RGS6: variants seen among roughly 807,000 people sequenced by gnomAD.
The protein encoded by RGS6 is regulator of G-protein signaling 6.
In RGS6, 30 loss-of-function variants were observed where a neutral mutation model predicts 78.5. The observed-to-expected ratio is 0.38, with a 90% CI of 0.29 to 0.52. The LOEUF (loss-of-function observed/expected upper bound fraction) is 0.52. Ranked by LOEUF, RGS6 falls within the 20% of genes least tolerant of loss-of-function variation. The pLI, the probability that RGS6 is intolerant of heterozygous loss-of-function variation, is 0.85. For synonymous variants in RGS6, 206 were observed against 206.0 expected, an observed-to-expected ratio of 1.00 and a Z score of 0.00; for missense variants, 495 against 609.7, an observed-to-expected ratio of 0.81 and a Z score of 1.98.
intron 1 of RGS6, among the ~76,000 whole-genome samples, chr14:71,960,096 A>G (rs1404200035): frequency 1.3e-5 from 2 of 152,198 alleles, no homozygotes; most frequent in Non-Finnish European, 2.9e-5. Flanking sequence ...TTATAAAGTA[A>G]ACAGCAGGCA....
chr14:72,359,164 C>G (rs907005804), intron 3 of RGS6, among the ~76,000 whole-genome samples: 1 of 152,158 alleles, frequency 6.6e-6, no homozygotes, highest in African/African-American at 2.4e-5. Context: ...TCAATTAAAC[C>G]TCTTTTCTTT....
chr14:72,120,602 G>T (rs140908880), intron 2 of RGS6, among the ~76,000 whole-genome samples: 2 of 152,180 alleles, frequency 1.3e-5, no homozygotes, highest in South Asian at 4.1e-4. Flanking sequence ...GATAAACTGC[G>T]TTGTGTTCAT....
intron 3 of RGS6, among the ~76,000 whole-genome samples, chr14:72,364,058 G>A (rs188164442): frequency 6.7e-6 from 1 of 149,554 alleles, no homozygotes; most frequent in Non-Finnish European, 1.5e-5. Context: ...TTCTCAATGG[G>A]CTCAGAAACT....
chr14:72,302,235 A>C (rs542259515), intron 2 of RGS6, among the ~76,000 whole-genome samples: 1 of 152,368 alleles, frequency 6.6e-6, no homozygotes, highest in African/African-American at 2.4e-5. Flanking sequence ...CACTATCACA[A>C]GAGTGGACAC....
At chr14:72,410,013 G>T (rs554154111) in intron 3 of RGS6, among the ~76,000 whole-genome samples, 3 of 152,088 alleles carry the variant, frequency 2.0e-5, no homozygotes, top group Non-Finnish European at 4.4e-5. Flanking sequence ...GAATAGTGCC[G>T]CAATAAACAT....
At chr14:72,561,530 C>T (rs74994625) in intron 17 of RGS6, among the ~76,000 whole-genome samples, 1,600 of 152,300 alleles carry the variant, frequency 0.011, 35 homozygotes, top group African/African-American at 0.037. Flanking sequence ...GACGGAGCCT[C>T]GCTCGTGCCC....
chr14:72,433,899 T>C (rs1330185829), intron 3 of RGS6, among the ~76,000 whole-genome samples: 1 of 152,264 alleles, frequency 6.6e-6, no homozygotes, highest in African/African-American at 2.4e-5. Context: ...TGTAAACTGC[T>C]GAGAACAGTG....
intron 3 of RGS6, among the ~76,000 whole-genome samples, chr14:72,437,330 G>A (rs1340713838): frequency 8.6e-6 from 1 of 116,010 alleles, no homozygotes; most frequent in East Asian, 2.5e-4. Flanking sequence ...TACAGAGTGA[G>A]ACTCCATCTC....
intron 2 of RGS6, among the ~76,000 whole-genome samples, chr14:72,250,711 G>A (rs2055530681): frequency 6.6e-6 from 1 of 152,144 alleles, no homozygotes; most frequent in Non-Finnish European, 1.5e-5. Context: ...ATTTTGACAA[G>A]GTGATTATGA....
chr14:72,258,077 C>A (rs2057424245), intron 2 of RGS6, among the ~76,000 whole-genome samples: 1 of 152,146 alleles, frequency 6.6e-6, no homozygotes, highest in South Asian at 2.1e-4. Context: ...GTTTTGTATA[C>A]AGCAGATTCA....
At chr14:72,018,522 G>A (rs528016239) in intron 2 of RGS6, among the ~76,000 whole-genome samples, 1 of 152,346 alleles carries the variant, frequency 6.6e-6, no homozygotes, top group Non-Finnish European at 1.5e-5. Context: ...CATATAGGAA[G>A]CCTAAATTTG....
At chr14:72,570,335 G>T (rs1429570749), downstream of RGS6, among the ~76,000 whole-genome samples, 5 of 152,252 alleles carry the variant, frequency 3.3e-5, no homozygotes, top group African/African-American at 1.2e-4. Flanking sequence ...CGTGGGAAAA[G>T]GGGACAGTCC....
In RGS6 at chr14:72,216,643, A is replaced by G. The variant is rs528628625; in HGVS notation, c.85-135452A>G. Among the ~76,000 whole-genome samples, 5 of 152,366 alleles carry G rather than the reference A, an allele frequency of 3.3e-5. No homozygotes were observed. The South Asian group carries it at 6.2e-4, about 19-fold the overall frequency. ...TTTGGTTCTAAGGAAAATAATTAACATAAGCTCAAAATGACACTTCCTGCC... is the reference window on the plus strand; with the variant it reads ...TTTGGTTCTAAGGAAAATAATTAACGTAAGCTCAAAATGACACTTCCTGCC... On this transcript the variant is annotated intron_variant, in intron 2 of 17. Coordinates refer to ENST00000553525, the MANE Select transcript of RGS6 (RefSeq NM_001204424.2).
intron 2 of RGS6, among the ~76,000 whole-genome samples, chr14:72,208,748 G>A (rs2043285956): frequency 6.6e-6 from 1 of 152,134 alleles, no homozygotes; most frequent in Admixed American, 6.5e-5. Flanking sequence ...GTATCAGCAA[G>A]GCATAATAGG....
chr14:72,557,095 T>G (rs2097589392), intron 17 of RGS6, among the ~76,000 whole-genome samples: 1 of 152,180 alleles, frequency 6.6e-6, no homozygotes, highest in Admixed American at 6.5e-5. Context: ...CTCTCTTCCT[T>G]CCCATGCTGC....
At chr14:72,253,425 T>A (rs1162998314) in intron 2 of RGS6, among the ~76,000 whole-genome samples, 1 of 152,230 alleles carries the variant, frequency 6.6e-6, no homozygotes, top group Non-Finnish European at 1.5e-5. Flanking sequence ...ACCTGCCAAC[T>A]TTTTCTTAAA....
intron 2 of RGS6, among the ~76,000 whole-genome samples, chr14:72,313,251 T>C (rs573285902): frequency 1.3e-5 from 2 of 152,058 alleles, no homozygotes; most frequent in South Asian, 4.2e-4. Flanking sequence ...AAAATGAAAA[T>C]TCAGGGCCCC....
At chr14:72,440,339 C>G (rs1057020082) in intron 3 of RGS6, among the ~76,000 whole-genome samples, 90 of 151,970 alleles carry the variant, frequency 5.9e-4, no homozygotes, top group Admixed American at 2.0e-4. Context: ...TGCAAGCAGG[C>G]AGTTAAGATT....
chr14:72,567,024 C>T (rs1459163449), downstream of RGS6, among the ~76,000 whole-genome samples: 1 of 152,212 alleles, frequency 6.6e-6, no homozygotes, highest in Non-Finnish European at 1.5e-5. Context: ...GCCTGAGCGT[C>T]AGGCTGACAA....
Sources: gnomAD v4.1 joint callset for allele counts (sites outside exome capture counted in the v4.1 genomes callset) on GRCh38, gnomAD v4.1.1 for gene constraint, MANE v1.5 for transcripts, NCBI Gene and HGNC (gene_info 2026-07-23, HGNC 2026-07-21) for gene names.